SEPTIN9: variants seen among roughly 807,000 people sequenced by gnomAD.
The protein encoded by SEPTIN9 is septin-9.
Under a neutral mutation model 56.6 loss-of-function variants are expected in SEPTIN9, and 13 were observed. That is an observed-to-expected ratio of 0.23 (90% CI 0.15 to 0.37). The LOEUF is 0.37. SEPTIN9 is among the 10% of genes least tolerant of loss of function. SEPTIN9 has a pLI of 1.00. For missense variants in SEPTIN9, 650 were observed against 823.1 expected (o/e 0.79, Z 2.57); for synonymous variants, 332 against 334.1 (o/e 0.99, Z 0.07).
chr17:77,486,574 T>G (rs925381561), intron 4 of SEPTIN9, among the ~76,000 whole-genome samples: 5 of 147,612 alleles, frequency 3.4e-5, no homozygotes, highest in Non-Finnish European at 6.0e-5. Flanking sequence ...GTTGTGAGAG[T>G]TGTGTGTGAG....
At position 77,466,473 on chromosome 17, in the gene SEPTIN9, T is replaced by TGCGTGA. The variant is rs149579900; in HGVS notation, c.722-15661_722-15656dup. 6,235 of 985,446 alleles carry TGCGTGA rather than the reference T, an allele frequency of 6.3e-3. 47 individuals are homozygous for TGCGTGA. Among genetic ancestry groups the TGCGTGA allele is most frequent in the South Asian group, 0.031 (661 of 21,288 alleles). The allele number at this position is 985,446 out of a possible 1,614,324, so 61.0% of individuals were successfully genotyped here. Reference sequence around the variant, plus strand: ...GGTTCCGGCTGCTGCCTGTGTTAGCTGCGTGAGCGTGAGCGAGCCAGGGGT... The same window carrying TGCGTGA: ...GGTTCCGGCTGCTGCCTGTGTTAGCTGCGTGAGCGTGAGCGTGAGCGAGCCAGGGGT... On this transcript the variant is annotated intron_variant, in intron 3 of 11. Transcript: ENST00000427177.
chr17:77,333,966 C>T (rs1454360630), intron 2 of SEPTIN9, among the ~76,000 whole-genome samples: 1 of 152,138 alleles, frequency 6.6e-6, no homozygotes, highest in Non-Finnish European at 1.5e-5. Flanking sequence ...CGAGTGATTT[C>T]TGAAGCCTTC....
At position 77,318,869 on chromosome 17, in the gene SEPTIN9, C is replaced by T. The variant is rs985191936; in HGVS notation, c.76+11672C>T. Reference sequence around the variant, plus strand: ...GGCTCTGTGGGGCAGGGATTGTAAACTCAGAGGCCTGCGGGGTGTGTCGAG... The same window carrying T: ...GGCTCTGTGGGGCAGGGATTGTAAATTCAGAGGCCTGCGGGGTGTGTCGAG... On this transcript the variant is annotated intron_variant, in intron 2 of 11. Coordinates refer to ENST00000427177, the MANE Select transcript of SEPTIN9 (RefSeq NM_001113491.2). The surrounding 1 kb of genome is among the most constrained non-coding windows in gnomAD (Gnocchi z 4.9). Among the ~76,000 whole-genome samples the T allele has an allele frequency of 5.7e-4, 87 of 152,286 alleles. 1 individual carries two copies. The highest frequency in any genetic ancestry group is 2.0e-3 in the African/African-American group (85 of 41,550).
chr17:77,293,978 C>T (rs949074600), intron 1 of SEPTIN9, among the ~76,000 whole-genome samples: 10 of 152,028 alleles, frequency 6.6e-5, no homozygotes, highest in African/African-American at 2.4e-4. Flanking sequence ...GTGGCATACA[C>T]CTGTAGTCCC....
intron 3 of SEPTIN9, among the ~76,000 whole-genome samples, chr17:77,473,080 T>G (rs2039068209): frequency 6.6e-6 from 1 of 152,228 alleles, no homozygotes; most frequent in Non-Finnish European, 1.5e-5. Context: ...ACATTCCTTA[T>G]CGTCTCTGTC....
At chr17:77,443,866 A>G (rs989825448) in intron 3 of SEPTIN9, among the ~76,000 whole-genome samples, 5 of 152,220 alleles carry the variant, frequency 3.3e-5, no homozygotes, top group African/African-American at 9.6e-5. Context: ...GAAAGTTGCA[A>G]CTTGACGGGA....
In SEPTIN9 at chr17:77,487,009, G is replaced by C. The variant is rs2039820886; in HGVS notation, c.914-415G>C. ...CCTGGGCTTTGGTTGCAACCACCCTGGTGAACTGCAGGAATCCCGGCCACC... is the reference window on the plus strand; with the variant it reads ...CCTGGGCTTTGGTTGCAACCACCCTCGTGAACTGCAGGAATCCCGGCCACC... On this transcript the variant is annotated intron_variant, in intron 4 of 11. Coordinates refer to ENST00000427177, the MANE Select transcript of SEPTIN9 (RefSeq NM_001113491.2). This position sits in a 1 kb window ranked among gnomAD's most constrained non-coding sequence, Gnocchi z 4.3. Among the ~76,000 whole-genome samples, 2 of 152,208 alleles carry C rather than the reference G, an allele frequency of 1.3e-5. No individual in the cohort carries two copies. Among genetic ancestry groups the C allele is most frequent in the African/African-American group, 4.8e-5 (2 of 41,450 alleles).
intron 1 of SEPTIN9, among the ~76,000 whole-genome samples, chr17:77,304,112 C>T (rs1036444223): frequency 1.3e-5 from 2 of 152,246 alleles, no homozygotes; most frequent in African/African-American, 4.8e-5. Flanking sequence ...TTGCTGGACT[C>T]AGACACAGGC....
rs373811821 is a variant in SEPTIN9, at chr17:77,327,603, G to A, written c.76+20406G>A. Among the ~76,000 whole-genome samples the A allele has an allele frequency of 2.0e-5, 3 of 152,242 alleles. No homozygotes were observed. The highest frequency in any genetic ancestry group is 3.9e-4 in the East Asian group (2 of 5,166). On this transcript the variant is annotated intron_variant, in intron 2 of 11. Coordinates refer to ENST00000427177, the MANE Select transcript of SEPTIN9 (RefSeq NM_001113491.2). This position sits in a 1 kb window ranked among gnomAD's most constrained non-coding sequence, Gnocchi z 5.0. ...GGTGGGGAGATTCCTCTTAACCAGC[G>A]GCCCACGTTTGGAGACTGATTTGGG... is the stretch of plus-strand genomic sequence containing the variant.
rs138621491 is a variant in SEPTIN9 at position 77,494,187 on chromosome 17, C to T, written c.1573+1111C>T. The stretch of plus-strand genomic sequence containing the variant: ...ATGAATCTATAAAGAAAGACGTTTT[C>T]CAAGTAAGGTCACAATCATGGGTTC... On this transcript the variant is annotated intron_variant, in intron 10 of 11. Coordinates refer to ENST00000427177, the MANE Select transcript of SEPTIN9 (RefSeq NM_001113491.2). Among the ~76,000 whole-genome samples, 618 of 152,322 alleles carry T rather than the reference C, an allele frequency of 4.1e-3. 7 individuals carry two copies. The highest frequency in any genetic ancestry group is 0.012 in the South Asian group (60 of 4,830).
At chr17:77,481,162 GC>G (rs1218212387) in intron 3 of SEPTIN9, among the ~76,000 whole-genome samples, 3 of 152,208 alleles carry the variant, frequency 2.0e-5, no homozygotes, top group Admixed American at 2.0e-4. Context: ...CCGGGCGTCC[GC>G]CCCCAGCCCC....
chr17:77,370,055 T>A (rs1270587770), intron 2 of SEPTIN9, among the ~76,000 whole-genome samples: 1 of 152,112 alleles, frequency 6.6e-6, no homozygotes, highest in Non-Finnish European at 1.5e-5. Flanking sequence ...ACCCACAGGG[T>A]TTGTGATTGC....
At chr17:77,386,712 G>C (rs891946919) in intron 2 of SEPTIN9, among the ~76,000 whole-genome samples, 17 of 152,218 alleles carry the variant, frequency 1.1e-4, no homozygotes, top group African/African-American at 4.1e-4. Context: ...TCCTGCCCCA[G>C]GGGGCTGGGG....
chr17:77,316,413 G>T (rs553487415), intron 2 of SEPTIN9, among the ~76,000 whole-genome samples: 18 of 152,350 alleles, frequency 1.2e-4, no homozygotes, highest in African/African-American at 3.6e-4. Context: ...TTTCAGGCAC[G>T]GAGGGGAGAT....
In SEPTIN9 at chr17:77,402,682, G is replaced by T. The variant is rs2035943309; in HGVS notation, c.700G>T (p.Ala234Ser). The change falls in exon 3 of 12, where the codon GCT becomes TCT. Residue 234 changes from alanine (A) to serine (S), a missense_variant. By Grantham distance (99) the Ala-to-Ser change is moderately conservative. This residue lies in a region of SEPTIN9 where 317 missense variants were observed against 329.1 expected (regional missense o/e 0.96). Coordinates refer to ENST00000427177, the MANE Select transcript of SEPTIN9 (RefSeq NM_001113491.2). The surrounding 1 kb of genome is among the most constrained non-coding windows in gnomAD (Gnocchi z 6.6). ...CAAGCCCCAGCCCCCTGTGGCTGAGGCTACACCCCGGAGCCAGGAGGGTGA... is the reference window on the plus strand; with the variant it reads ...CAAGCCCCAGCCCCCTGTGGCTGAGTCTACACCCCGGAGCCAGGAGGGTGA... ...EPKPQPPVAEATPRSQEATEA... is the reference protein window; with the variant it reads ...EPKPQPPVAESTPRSQEATEA... 2 of 1,598,372 alleles carry T rather than the reference G, an allele frequency of 1.3e-6. No homozygotes were observed. The highest frequency in any genetic ancestry group is 1.7e-5 in the Admixed American group (1 of 57,396).
chr17:77,438,072 G>C (rs2037413359), intron 3 of SEPTIN9, among the ~76,000 whole-genome samples: 4 of 152,254 alleles, frequency 2.6e-5, no homozygotes, highest in African/African-American at 9.6e-5. Context: ...TGAGGGCTTG[G>C]ATGGCCCTGC....
rs886053485 is a variant in SEPTIN9, at chr17:77,402,140, G to A, written c.158G>A (p.Arg53Gln). 5 of 1,613,622 alleles carry A rather than the reference G, an allele frequency of 3.1e-6. No individual in the cohort carries two copies. Among genetic ancestry groups the A allele is most frequent in the Non-Finnish European group, 4.2e-6 (5 of 1,179,836 alleles). Residue 53 changes from arginine to glutamine, a missense_variant, in exon 3 of 12, where the codon CGA (arginine) becomes CAA (glutamine). By Grantham distance (43) the Arg-to-Gln change is conservative. This residue lies in a region of SEPTIN9 where 317 missense variants were observed against 329.1 expected (regional missense o/e 0.96). Coordinates refer to ENST00000427177, the MANE Select transcript of SEPTIN9 (RefSeq NM_001113491.2). This position sits in a 1 kb window ranked among gnomAD's most constrained non-coding sequence, Gnocchi z 6.6. ...PPRRVQTPLL[R>Q]ATVASSTQKF... is the part of the protein sequence containing the mutation. ...CGGAGGGTCCAGACTCCCCTACTCCGAGCCACTGTGGCCAGCTCCACCCAG... is the reference window on the plus strand; with the variant it reads ...CGGAGGGTCCAGACTCCCCTACTCCAAGCCACTGTGGCCAGCTCCACCCAG...
rs753649183 is a variant in SEPTIN9 at position 77,490,711 on chromosome 17, G to T, written c.1263-31G>T. 13 of 1,517,580 alleles carry T rather than the reference G, an allele frequency of 8.6e-6. No individual in the cohort carries two copies. The Admixed American group carries it at 2.5e-4, about 30-fold the overall frequency. 94.0% of individuals were successfully genotyped at this position (1,517,580 alleles called of 1,614,324 possible). Reference sequence around the variant, plus strand: ...GCCCCCCCACTGCCCCGCTCCCCCAGATGAGCCTCACGCACATCCCTCTGC... The same window carrying T: ...GCCCCCCCACTGCCCCGCTCCCCCATATGAGCCTCACGCACATCCCTCTGC... On this transcript the variant is annotated intron_variant, in intron 7 of 11. Transcript: ENST00000427177.
chr17:77,315,704 T>C (rs955341348), intron 2 of SEPTIN9, among the ~76,000 whole-genome samples: 6 of 152,232 alleles, frequency 3.9e-5, no homozygotes, highest in African/African-American at 1.2e-4. Context: ...GCCAGTGCTA[T>C]TGGAGACAAA....
Sources: allele counts gnomAD v4.1 joint callset (sites outside exome capture counted in the v4.1 genomes callset), GRCh38; gene constraint gnomAD v4.1.1; regional missense constraint gnomAD v4.1.1; non-coding constraint Gnocchi (gnomAD v3.1); transcripts MANE v1.5; gene names NCBI Gene and HGNC (gene_info 2026-07-23, HGNC 2026-07-21).